The following BAZ2B variants were observed in gnomAD, a reference collection of about 807,000 sequenced individuals.
BAZ2B encodes bromodomain adjacent to zinc finger domain 2B.
Under a neutral mutation model 246.0 loss-of-function variants are expected in BAZ2B, and 91 were observed. That is an observed-to-expected ratio of 0.37 (90% CI 0.31 to 0.44). BAZ2B has a LOEUF of 0.44. BAZ2B is among the 20% of genes least tolerant of loss of function. The pLI is 1.00. For missense variants in BAZ2B, 2,332 were observed against 2,533.7 expected (o/e 0.92, Z 1.71); for synonymous variants, 855 against 860.0 (o/e 0.99, Z 0.10).
intron 34 of BAZ2B, among the ~76,000 whole-genome samples, chr2:159,329,222 C>A (rs75408155): frequency 6.7e-6 from 1 of 149,894 alleles, no homozygotes; most frequent in Non-Finnish European, 1.5e-5. Context: ...AAATAAAAAA[C>A]AATATAGTCT....
chr2:159,587,717 TATC>T (rs1031450757), intron 1 of BAZ2B, among the ~76,000 whole-genome samples: 5 of 152,158 alleles, frequency 3.3e-5, no homozygotes, highest in African/African-American at 9.7e-5. Context: ...CGGATGTACT[TATC>T]ATACTATATA....
chr2:159,399,811 T>C (rs1395166817), intron 17 of BAZ2B, among the ~76,000 whole-genome samples: 1 of 152,144 alleles, frequency 6.6e-6, no homozygotes, highest in Admixed American at 6.5e-5. Flanking sequence ...TGTAATAAAT[T>C]TAAACATGAA....
intron 2 of BAZ2B, among the ~76,000 whole-genome samples, chr2:159,499,704 A>T (rs1388928926): frequency 6.6e-6 from 1 of 152,086 alleles, no homozygotes; most frequent in African/African-American, 2.4e-5. Context: ...ACTTTTTAAT[A>T]ATAGCCATTC....
At chr2:159,324,625 TACACACACACAC>T (rs60009917) in intron 36 of BAZ2B, among the ~76,000 whole-genome samples, 174 bp downstream of exon 36, 7,205 of 132,730 alleles carry the variant, frequency 0.054, 252 homozygotes, top group Non-Finnish European at 0.07. Context: ...TCTAACCAAA[TACACACACACAC>T]ACACACACAC....
upstream of BAZ2B, among the ~76,000 whole-genome samples, chr2:159,620,118 T>C (rs1266487921): frequency 6.6e-6 from 1 of 152,212 alleles, no homozygotes; most frequent in Admixed American, 6.5e-5. Context: ...ACTTCTTAAA[T>C]AGGTAGATAT....
intron 1 of BAZ2B, among the ~76,000 whole-genome samples, chr2:159,581,551 A>G (rs1578603593): frequency 6.6e-6 from 1 of 152,290 alleles, no homozygotes; most frequent in East Asian, 1.9e-4. Context: ...ATACCATTTG[A>G]CCCAGCTGTC....
At chr2:159,624,138 T>G in the BAZ2B span, among the ~76,000 whole-genome samples, 3 of 152,176 alleles carry the variant, frequency 2.0e-5, no homozygotes, top group Non-Finnish European at 4.4e-5. Flanking sequence ...CCAGACTGCC[T>G]CTCTAGATTT....
At chr2:159,677,000 A>G in the BAZ2B span, among the ~76,000 whole-genome samples, 1 of 140,502 alleles carries the variant, frequency 7.1e-6, no homozygotes, top group Non-Finnish European at 1.5e-5. Flanking sequence ...ATATATTACA[A>G]TTTTTAAAAA....
chr2:159,630,218 G>T, the BAZ2B span, among the ~76,000 whole-genome samples: 1 of 152,304 alleles, frequency 6.6e-6, no homozygotes, highest in East Asian at 1.9e-4. Context: ...AGTGCTTTGG[G>T]AAGCCAAGGC....
intron 14 of BAZ2B, among the ~76,000 whole-genome samples, chr2:159,408,779 G>A (rs1459302329): frequency 4.6e-5 from 7 of 152,144 alleles, no homozygotes; most frequent in Admixed American, 4.6e-4. Flanking sequence ...AATTAGCCGG[G>A]CGTTGTGGTG....
At chr2:159,711,550 A>T in the BAZ2B span, among the ~76,000 whole-genome samples, 1 of 152,158 alleles carries the variant, frequency 6.6e-6, no homozygotes, top group African/African-American at 2.4e-5. Context: ...TACCTTAACA[A>T]AATAGGTCAT....
At chr2:159,390,708 T>C (rs2063227972) in intron 20 of BAZ2B, among the ~76,000 whole-genome samples, 3 of 152,114 alleles carry the variant, frequency 2.0e-5, no homozygotes, top group Admixed American at 6.6e-5. Flanking sequence ...GTTTCAAGAC[T>C]GGAGTGTAGG....
At chr2:159,632,162 A>G in the BAZ2B span, among the ~76,000 whole-genome samples, 14 of 152,316 alleles carry the variant, frequency 9.2e-5, no homozygotes, top group African/African-American at 3.4e-4. Context: ...TCAGGTACAT[A>G]GAGATCATTT....
the BAZ2B span, chr2:159,710,692 C>T: frequency 6.6e-6 from 1 of 152,120 alleles, no homozygotes; most frequent in Non-Finnish European, 1.5e-5. Flanking sequence ...CTCTGTTTAG[C>T]ATAGGAAATT....
chr2:159,666,909 T>A, the BAZ2B span, among the ~76,000 whole-genome samples: 8 of 151,306 alleles, frequency 5.3e-5, no homozygotes, highest in Non-Finnish European at 1.0e-4. Flanking sequence ...GAGGGGAACA[T>A]CACACACCAG....
intron 13 of BAZ2B, among the ~76,000 whole-genome samples, chr2:159,413,225 C>A (rs919539363): frequency 1.3e-5 from 2 of 152,072 alleles, no homozygotes; most frequent in East Asian, 1.9e-4. Flanking sequence ...AAAAGAAACA[C>A]GGAAGTATAA....
At chr2:159,639,012 T>G in the BAZ2B span, among the ~76,000 whole-genome samples, 3 of 151,840 alleles carry the variant, frequency 2.0e-5, no homozygotes, top group Admixed American at 1.3e-4. Context: ...ATAAAAGAAA[T>G]AAACAGCATA....
At chr2:159,606,948 CT>C (rs1436728417) in intron 1 of BAZ2B, among the ~76,000 whole-genome samples, 1 of 127,426 alleles carries the variant, frequency 7.8e-6, no homozygotes. Context: ...GAGACGGAGT[CT>C]CACTCTGTCA....
chr2:159,392,116 C>T (rs2149616460), intron 20 of BAZ2B: 1 of 152,310 alleles, frequency 6.6e-6, no homozygotes, highest in Admixed American at 6.5e-5. Flanking sequence ...CTGTATGACA[C>T]ACCTGTGTGG....
Sources: gnomAD v4.1 joint callset for allele counts (sites outside exome capture counted in the v4.1 genomes callset) on GRCh38, gnomAD v4.1.1 for gene constraint, MANE v1.5 for transcripts, NCBI Gene and HGNC (gene_info 2026-07-23, HGNC 2026-07-21) for gene names.